PDE8B: variants seen among roughly 807,000 people sequenced by gnomAD.
PDE8B encodes the protein phosphodiesterase 8B, also known as high affinity cAMP-specific and IBMX-insensitive 3',5'-cyclic phosphodiesterase 8B.
In PDE8B, 26 loss-of-function variants were observed where a neutral mutation model predicts 101.3. The ratio of observed to expected loss-of-function variants is 0.26; its 90% CI spans 0.19 to 0.36. The LOEUF (loss-of-function observed/expected upper bound fraction) is 0.36. PDE8B is among the 10% of genes least tolerant of loss of function. PDE8B has a pLI of 1.00. For missense variants in PDE8B, 810 were observed against 1,163.1 expected, an observed-to-expected ratio of 0.70 and a Z score of 4.42; for synonymous variants, 424 against 429.3, an observed-to-expected ratio of 0.99 and a Z score of 0.15.
chr5:77,385,974 A>G (rs1788511436), intron 10 of PDE8B, among the ~76,000 whole-genome samples: 1 of 151,904 alleles, frequency 6.6e-6, no homozygotes, highest in Non-Finnish European at 1.5e-5. Flanking sequence ...TTTTTAGTAG[A>G]GACGGGGTTT....
intron 1 of PDE8B, among the ~76,000 whole-genome samples, chr5:77,271,808 C>T (rs1361111624): frequency 6.6e-6 from 1 of 152,140 alleles, no homozygotes; most frequent in Non-Finnish European, 1.5e-5. Flanking sequence ...ATCTGATTTC[C>T]ACAGCAGCCA....
At chr5:77,293,932 G>T (rs1767943195) in intron 1 of PDE8B, among the ~76,000 whole-genome samples, 1 of 152,054 alleles carries the variant, frequency 6.6e-6, no homozygotes, top group African/African-American at 2.4e-5. Context: ...TGTTCTTTGT[G>T]TATGTTGGAT....
chr5:77,412,302 A>C, intron 16 of PDE8B, 67 bp downstream of exon 16: 1 of 1,545,544 alleles, frequency 6.5e-7, no homozygotes. Context: ...CACATTTGGA[A>C]ACTTTGAGGG....
At chr5:77,363,580 C>T (rs565605142) in intron 10 of PDE8B, among the ~76,000 whole-genome samples, 27 of 151,998 alleles carry the variant, frequency 1.8e-4, no homozygotes, top group African/African-American at 6.0e-4. Flanking sequence ...GGCATGGTGG[C>T]GGGTGCCTGT....
chr5:77,198,489 C>A, the PDE8B span, among the ~76,000 whole-genome samples: 43 of 152,276 alleles, frequency 2.8e-4, no homozygotes, highest in African/African-American at 1.0e-3. Context: ...CTGTCTGAGC[C>A]ATGATTTTGG....
At chr5:77,417,017 G>T (rs186800304) in intron 17 of PDE8B, among the ~76,000 whole-genome samples, 2 of 151,904 alleles carry the variant, frequency 1.3e-5, no homozygotes, top group African/African-American at 4.8e-5. Context: ...TTGTTGCCTG[G>T]ACAATTCCTG....
intron 1 of PDE8B, among the ~76,000 whole-genome samples, chr5:77,263,277 C>A (rs909836639): frequency 6.6e-6 from 1 of 152,144 alleles, no homozygotes; most frequent in Non-Finnish European, 1.5e-5. Context: ...AAGATCAATG[C>A]GAACTTTTAT....
In PDE8B at chr5:77,218,892, A is replaced by G. The variant is rs114133056; in HGVS notation, c.339+7628A>G. 3.8e-3 allele frequency among the ~76,000 whole-genome samples: 578 copies of G among 152,336 alleles called. 2 individuals are homozygous for G. Among genetic ancestry groups the G allele is most frequent in the African/African-American group, 0.013 (547 of 41,582 alleles). On this transcript the variant is annotated intron_variant, in intron 1 of 21. Transcript: ENST00000264917. The stretch of plus-strand genomic sequence containing the variant: ...ACATGTAATTTTTTTAATGGAAAAT[A>G]TATCCGACACTTTCAAGTACATTGA...
At chr5:77,353,265 G>A (rs766577081) in intron 9 of PDE8B, 81 bp from the exon 10 acceptor site, 55 of 830,526 alleles carry the variant, frequency 6.6e-5, no homozygotes, top group Non-Finnish European at 8.7e-5. Flanking sequence ...TTAGCTTTAA[G>A]AAGTCTGTTG....
chr5:77,290,555 G>T (rs1444653207), intron 1 of PDE8B: 2 of 1,488,386 alleles, frequency 1.3e-6, no homozygotes, highest in African/African-American at 2.8e-5. Flanking sequence ...TGTGGGAGAA[G>T]ATCCAAGTAC....
chr5:77,363,292 T>A (rs888790837), intron 10 of PDE8B, among the ~76,000 whole-genome samples: 2 of 152,136 alleles, frequency 1.3e-5, no homozygotes, highest in African/African-American at 4.8e-5. Flanking sequence ...GTTAGCAATA[T>A]GGAAATAAAG....
intron 1 of PDE8B, among the ~76,000 whole-genome samples, chr5:77,236,584 A>G (rs1206662102): frequency 6.6e-6 from 1 of 152,196 alleles, no homozygotes; most frequent in African/African-American, 2.4e-5. Flanking sequence ...ATGAGGACCA[A>G]TATTGGACCA....
intron 5 of PDE8B, among the ~76,000 whole-genome samples, chr5:77,332,220 C>A (rs1472513130): frequency 2.0e-5 from 3 of 151,960 alleles, no homozygotes; most frequent in Non-Finnish European, 2.9e-5. Flanking sequence ...GAAAACAAGT[C>A]CTTATAGAGA....
chr5:77,213,281 C>T (rs904008251), intron 1 of PDE8B, among the ~76,000 whole-genome samples: 27 of 152,226 alleles, frequency 1.8e-4, no homozygotes, highest in African/African-American at 6.3e-4. Context: ...TAACCCATTA[C>T]TGGGAATGTT....
intron 11 of PDE8B, among the ~76,000 whole-genome samples, chr5:77,401,862 C>G (rs575128536): frequency 2.6e-5 from 4 of 152,172 alleles, no homozygotes; most frequent in Non-Finnish European, 4.4e-5. Context: ...TTAATCACTT[C>G]TATTGCTATA....
intron 6 of PDE8B, among the ~76,000 whole-genome samples, chr5:77,342,977 G>A (rs1336429035): frequency 6.6e-6 from 1 of 152,200 alleles, no homozygotes; most frequent in Non-Finnish European, 1.5e-5. Flanking sequence ...TTCTCTAATT[G>A]TTGGAGACTT....
the PDE8B span, among the ~76,000 whole-genome samples, chr5:77,167,656 T>G: frequency 0.15 from 23,486 of 152,034 alleles, 2,571 homozygotes; most frequent in East Asian, 0.37. Context: ...GTCCCCTCAA[T>G]GTATGCTCAG....
intron 1 of PDE8B, among the ~76,000 whole-genome samples, chr5:77,271,196 T>C (rs1762726230): frequency 6.6e-6 from 1 of 152,254 alleles, no homozygotes; most frequent in Admixed American, 6.5e-5. Flanking sequence ...TATTCCAGGA[T>C]CAATGGTACA....
intron 14 of PDE8B, 69 bp from the exon 15 acceptor site, chr5:77,411,607 T>C: frequency 3.9e-6 from 5 of 1,292,992 alleles, no homozygotes; most frequent in Non-Finnish European, 5.6e-6. Context: ...CTTTCACTAA[T>C]AATAAAAAAA....
Sources: allele counts gnomAD v4.1 joint callset (sites outside exome capture counted in the v4.1 genomes callset), GRCh38; gene constraint gnomAD v4.1.1; transcripts MANE v1.5; gene names NCBI Gene and HGNC (gene_info 2026-07-23, HGNC 2026-07-21).